The following PCCA variants were observed in gnomAD, a reference collection of about 807,000 sequenced individuals.
PCCA encodes propionyl-CoA carboxylase alpha chain, mitochondrial.
PCCA carries 74 observed loss-of-function variants against 101.3 expected under a neutral mutation model. The ratio of observed to expected loss-of-function variants is 0.73; its 90% CI spans 0.61 to 0.89. PCCA has a LOEUF of 0.89. PCCA is among the 40% of genes least tolerant of loss of function. The pLI is 0.00. For missense variants in PCCA, 891 were observed against 907.0 expected (o/e 0.98, Z 0.23); for synonymous variants, 294 against 313.6 (o/e 0.94, Z 0.66).
Position 100,303,024 on chromosome 13 carries a change from C to G in PCCA, c.1284+26C>G, listed in dbSNP as rs1441017431. The G allele has an allele frequency of 4.6e-6, 6 of 1,292,530 alleles. No individual in the cohort carries two copies. In the African/African-American group the frequency reaches 7.3e-5, roughly 16 times the overall value. The allele number at this position is 1,292,530 out of a possible 1,614,324, so 80.1% of individuals were successfully genotyped here. On this transcript the variant is annotated intron_variant, in intron 14 of 23. Coordinates refer to ENST00000376285, the MANE Select transcript of PCCA (RefSeq NM_000282.4). Reference sequence around the variant, plus strand: ...GTAAGTCATTAAGCTGTAATACCAGCTGAAGGGTTAAAATCGTGATTTATG... The same window carrying G: ...GTAAGTCATTAAGCTGTAATACCAGGTGAAGGGTTAAAATCGTGATTTATG...
intron 6 of PCCA, among the ~76,000 whole-genome samples, chr13:100,197,685 G>C (rs1336477340): frequency 6.6e-6 from 1 of 152,154 alleles, no homozygotes; most frequent in Non-Finnish European, 1.5e-5. Flanking sequence ...CTCCCAAAGT[G>C]CTGAGATTAC....
chr13:100,287,426 A>G (rs942144192), intron 12 of PCCA, among the ~76,000 whole-genome samples: 1 of 152,130 alleles, frequency 6.6e-6, no homozygotes, highest in Admixed American at 6.5e-5. Context: ...ATTAATTCCT[A>G]AAATATGTTC....
At chr13:100,120,586 G>A (rs2049274999) in intron 4 of PCCA, among the ~76,000 whole-genome samples, 1 of 152,092 alleles carries the variant, frequency 6.6e-6, no homozygotes, top group Non-Finnish European at 1.5e-5. Context: ...GCTTTCCCTA[G>A]GAAAACAATT....
intron 21 of PCCA, among the ~76,000 whole-genome samples, chr13:100,487,455 A>G (rs1457671997): frequency 1.3e-5 from 2 of 152,230 alleles, no homozygotes; most frequent in African/African-American, 4.8e-5. Flanking sequence ...ATAGAATTCT[A>G]AGAATTTCAG....
intron 12 of PCCA, among the ~76,000 whole-genome samples, chr13:100,274,550 G>A (rs1452384875): frequency 6.6e-6 from 1 of 152,034 alleles, no homozygotes; most frequent in Non-Finnish European, 1.5e-5. Context: ...GTTCCTTCCT[G>A]GGGGGTTGGA....
At chr13:100,499,794 T>A (rs142924970) in intron 21 of PCCA, among the ~76,000 whole-genome samples, 1 of 152,370 alleles carries the variant, frequency 6.6e-6, no homozygotes, top group African/African-American at 2.4e-5. Context: ...AAAAGGTTTT[T>A]TCTTTCACAG....
intron 16 of PCCA, among the ~76,000 whole-genome samples, chr13:100,311,132 G>A (rs1384306246): frequency 6.6e-6 from 1 of 151,964 alleles, no homozygotes; most frequent in Non-Finnish European, 1.5e-5. Context: ...TACTTGGGAG[G>A]CTGAGGCAGA....
chr13:100,148,987 G>A (rs2052945309), intron 4 of PCCA, among the ~76,000 whole-genome samples: 3 of 152,022 alleles, frequency 2.0e-5, no homozygotes, highest in Admixed American at 6.6e-5. Context: ...TGGAATCAAA[G>A]CGAATCTTTA....
chr13:100,459,369 G>A (rs532511899), intron 21 of PCCA, among the ~76,000 whole-genome samples: 1 of 152,250 alleles, frequency 6.6e-6, no homozygotes, highest in African/African-American at 2.4e-5. Context: ...GCTAAAAAGT[G>A]ACTGAGGCAA....
chr13:100,252,522 G>T (rs191035509), intron 8 of PCCA, among the ~76,000 whole-genome samples: 1 of 151,888 alleles, frequency 6.6e-6, no homozygotes. Flanking sequence ...ATTATACAGC[G>T]TACCACTGTT....
intron 21 of PCCA, among the ~76,000 whole-genome samples, chr13:100,471,550 C>A (rs1177008109): frequency 1.3e-5 from 2 of 152,108 alleles, no homozygotes; most frequent in African/African-American, 4.8e-5. Context: ...ATGAGGTAGG[C>A]CTGGATTTTT....
At chr13:100,384,460 A>G (rs894228886) in intron 19 of PCCA, among the ~76,000 whole-genome samples, 7 of 152,364 alleles carry the variant, frequency 4.6e-5, no homozygotes, top group Admixed American at 3.9e-4. Flanking sequence ...AAATAGTAAT[A>G]TAAAGAATCT....
chr13:100,302,694 A>G (rs1050282212), intron 13 of PCCA, among the ~76,000 whole-genome samples: 1 of 152,186 alleles, frequency 6.6e-6, no homozygotes, highest in Admixed American at 6.5e-5. Context: ...TACCAATTTC[A>G]ATAAAGTATG....
intron 6 of PCCA, among the ~76,000 whole-genome samples, chr13:100,204,063 C>T (rs1284364755): frequency 6.6e-6 from 1 of 151,690 alleles, no homozygotes; most frequent in African/African-American, 2.4e-5. Context: ...ACACTCTTTT[C>T]TTTTATCATG....
intron 19 of PCCA, among the ~76,000 whole-genome samples, chr13:100,402,868 T>C (rs1567072605): frequency 6.6e-6 from 1 of 152,150 alleles, no homozygotes; most frequent in Non-Finnish European, 1.5e-5. Flanking sequence ...TAAAAAATAG[T>C]AGGACTAAAG....
chr13:100,426,979 G>T (rs948789800), intron 20 of PCCA, among the ~76,000 whole-genome samples: 2 of 152,212 alleles, frequency 1.3e-5, no homozygotes, highest in African/African-American at 4.8e-5. Context: ...ACTTTGGGAG[G>T]CCAAGGCAGG....
At chr13:100,368,193 T>TCAGCCTCCCAAGTAGCTGGG (rs2075335427) in intron 18 of PCCA, among the ~76,000 whole-genome samples, 1 of 152,152 alleles carries the variant, frequency 6.6e-6, no homozygotes, top group South Asian at 2.1e-4. Context: ...CATACTTACT[T>TCAGCCTCCCAAGTAGCTGGG]ATTTCATTGT....
rs373768799 is a variant in PCCA, at chr13:100,266,859, C to G, written c.820-1830C>G. Among the ~76,000 whole-genome samples, 152 of 152,220 alleles carry G rather than the reference C, an allele frequency of 1.0e-3. 4 individuals carry two copies. The South Asian group carries it at 0.028, about 28-fold the overall frequency. On this transcript the variant is annotated intron_variant, in intron 10 of 23. Transcript: ENST00000376285. Reference sequence around the variant, plus strand: ...ATTATAATAAAGCTTTTTCAGGAAGCAGTATAGCTTAGAGATTTTTCTACA... The same window carrying G: ...ATTATAATAAAGCTTTTTCAGGAAGGAGTATAGCTTAGAGATTTTTCTACA...
At chr13:100,094,357 A>G (rs2046576329) in intron 1 of PCCA, among the ~76,000 whole-genome samples, 1 of 152,192 alleles carries the variant, frequency 6.6e-6, no homozygotes, top group African/African-American at 2.4e-5. Context: ...ACACTCTTGA[A>G]TAGTTGAAGC....
Sources: allele counts gnomAD v4.1 joint callset (sites outside exome capture counted in the v4.1 genomes callset), GRCh38; gene constraint gnomAD v4.1.1; transcripts MANE v1.5; gene names NCBI Gene and HGNC (gene_info 2026-07-23, HGNC 2026-07-21).